PCBP3: variants seen among roughly 807,000 people sequenced by gnomAD.
PCBP3 encodes the protein poly(rC)-binding protein 3.
A neutral mutation model predicts 52.7 loss-of-function variants in PCBP3; 25 were observed. That is an observed-to-expected ratio of 0.47 (90% CI 0.35 to 0.66). The LOEUF (loss-of-function observed/expected upper bound fraction) is 0.66. Among genes scored for constraint, PCBP3 ranks in the 30% least tolerant of loss-of-function variants. The probability of loss-of-function intolerance (pLI) is 0.01; values close to 1 mark genes in which losing one functional copy is unlikely to be tolerated. For missense variants in PCBP3, 391 were observed against 490.3 expected, an observed-to-expected ratio of 0.80 and a Z score of 1.91; for synonymous variants, 162 against 183.0, an observed-to-expected ratio of 0.89 and a Z score of 0.93.
chr21:45,925,729 T>C (rs1161004546), intron 13 of PCBP3, among the ~76,000 whole-genome samples: 1 of 152,236 alleles, frequency 6.6e-6, no homozygotes, highest in Admixed American at 6.5e-5. Flanking sequence ...AGAAAAACTT[T>C]ACTCATTACA....
intron 2 of PCBP3, among the ~76,000 whole-genome samples, chr21:45,678,923 T>C (rs2081640623): frequency 6.6e-6 from 1 of 152,090 alleles, no homozygotes; most frequent in Non-Finnish European, 1.5e-5. Context: ...TCCATTGATG[T>C]GGCAAACTTT....
intron 15 of PCBP3, among the ~76,000 whole-genome samples, chr21:45,933,391 T>G (rs2076538402): frequency 6.6e-6 from 1 of 152,252 alleles, no homozygotes; most frequent in Admixed American, 6.5e-5. Flanking sequence ...TTGCTTAACT[T>G]TAATGCCCTC....
At chr21:45,838,885 A>G (rs2093644053) in intron 4 of PCBP3, among the ~76,000 whole-genome samples, 1 of 152,244 alleles carries the variant, frequency 6.6e-6, no homozygotes, top group Admixed American at 6.5e-5. Context: ...TGTAAAATAC[A>G]AACATTTACA....
In PCBP3 at chr21:45,821,386, G is replaced by A. The variant is rs1437263461; in HGVS notation, c.-125-28575G>A. ...CCCCCTGCACCACGCTGTGGGCCCC[G>A]CACCCTCCCCCAACTCTTTTCTACA... On this transcript the variant is annotated intron_variant, in intron 4 of 17. Transcript: ENST00000681687. This position sits in a 1 kb window ranked among gnomAD's most constrained non-coding sequence, Gnocchi z 4.4. Among the ~76,000 whole-genome samples the A allele has an allele frequency of 6.7e-6, 1 of 149,464 alleles. No homozygotes were observed.
At chr21:45,913,182 T>C (rs978680303) in intron 11 of PCBP3, among the ~76,000 whole-genome samples, 1 of 152,218 alleles carries the variant, frequency 6.6e-6, no homozygotes, top group South Asian at 2.1e-4. Context: ...AGGCTAAAAA[T>C]GCTGGCGCTG....
chr21:45,732,530 T>C (rs1460853033), intron 2 of PCBP3, among the ~76,000 whole-genome samples: 2 of 151,584 alleles, frequency 1.3e-5, no homozygotes, highest in Non-Finnish European at 2.9e-5. Context: ...CATAATTTGA[T>C]TATGACGTGC....
At chr21:45,708,120 C>T (rs1379553223) in intron 2 of PCBP3, among the ~76,000 whole-genome samples, 1 of 152,118 alleles carries the variant, frequency 6.6e-6, no homozygotes, top group East Asian at 1.9e-4. Flanking sequence ...TCCCTCCTTC[C>T]TAGGGGTTCC....
intron 4 of PCBP3, among the ~76,000 whole-genome samples, chr21:45,776,702 A>G (rs1025833668): frequency 1.3e-5 from 2 of 152,026 alleles, no homozygotes; most frequent in African/African-American, 4.8e-5. Flanking sequence ...TTGGTTTCCA[A>G]TTTGTACAAA....
chr21:45,768,150 T>A (rs2089529114), intron 4 of PCBP3, among the ~76,000 whole-genome samples: 1 of 152,138 alleles, frequency 6.6e-6, no homozygotes. Flanking sequence ...TCTCACCCTT[T>A]GGTGGGGAGA....
chr21:45,826,041 G>A (rs1313112483), intron 4 of PCBP3, among the ~76,000 whole-genome samples: 1 of 152,182 alleles, frequency 6.6e-6, no homozygotes, highest in Non-Finnish European at 1.5e-5. Flanking sequence ...GGAGGCCAAG[G>A]CAAGGTTGGG....
At chr21:45,745,595 G>A (rs1056768119) in intron 3 of PCBP3, among the ~76,000 whole-genome samples, 7 of 152,240 alleles carry the variant, frequency 4.6e-5, no homozygotes, top group East Asian at 1.9e-4. Context: ...TTATGCTGAC[G>A]TGTATCATGG....
At chr21:45,739,397 C>T (rs1256071551) in intron 3 of PCBP3, among the ~76,000 whole-genome samples, 2 of 126,472 alleles carry the variant, frequency 1.6e-5, no homozygotes, top group African/African-American at 6.2e-5. Context: ...TCTTCATCAG[C>T]CCACCACTTC....
chr21:45,797,705 C>CAT (rs2092023716), intron 4 of PCBP3, among the ~76,000 whole-genome samples: 33 of 1,278 alleles, frequency 0.026, no homozygotes, highest in Admixed American at 0.041. Flanking sequence ...TGCATGGATC[C>CAT]ACAGAGAGTG....
intron 5 of PCBP3, among the ~76,000 whole-genome samples, chr21:45,869,506 G>A (rs1385923904): frequency 1.3e-5 from 2 of 152,170 alleles, no homozygotes; most frequent in South Asian, 4.1e-4. Flanking sequence ...TGCTCCCTGG[G>A]ACTCGACTGT....
chr21:45,675,606 G>C (rs565642666), intron 2 of PCBP3, among the ~76,000 whole-genome samples: 1 of 152,170 alleles, frequency 6.6e-6, no homozygotes, highest in Admixed American at 6.5e-5. Context: ...AAAGCAGAGC[G>C]GGGCCTCAAA....
chr21:45,912,417 G>A (rs2096414496), intron 11 of PCBP3, among the ~76,000 whole-genome samples: 1 of 152,210 alleles, frequency 6.6e-6, no homozygotes, highest in African/African-American at 2.4e-5. Flanking sequence ...ATAAAGCCAA[G>A]GATGCCTTAA....
rs76065124 is a variant in PCBP3 at position 45,874,412 on chromosome 21, C to A, written c.11-21796C>A. Among the ~76,000 whole-genome samples the A allele has an allele frequency of 3.0e-4, 46 of 152,008 alleles. 1 individual carries two copies. The East Asian group carries it at 8.7e-3, about 29-fold the overall frequency. On this transcript the variant is annotated intron_variant, in intron 5 of 17. Transcript: ENST00000681687. The stretch of plus-strand genomic sequence containing the variant: ...TGCTCTTTATGATGCTTTATAATTT[C>A]TACATAGAGGTTTCACACATCTTTT...
At chr21:45,689,554 T>C (rs2082343059) in intron 2 of PCBP3, among the ~76,000 whole-genome samples, 1 of 152,044 alleles carries the variant, frequency 6.6e-6, no homozygotes, top group South Asian at 2.1e-4. Context: ...ACTACTTCTA[T>C]TCAATATTAT....
chr21:45,729,964 A>G (rs569095161), intron 2 of PCBP3, among the ~76,000 whole-genome samples: 14 of 152,038 alleles, frequency 9.2e-5, no homozygotes, highest in South Asian at 4.2e-4. Flanking sequence ...AGGTCTTGCT[A>G]TGTTGCCCAG....
Sources: allele counts gnomAD v4.1 joint callset (sites outside exome capture counted in the v4.1 genomes callset), GRCh38; gene constraint gnomAD v4.1.1; non-coding constraint Gnocchi (gnomAD v3.1); transcripts MANE v1.5; gene names NCBI Gene and HGNC (gene_info 2026-07-23, HGNC 2026-07-21).